RYR3: variants seen among roughly 807,000 people sequenced by gnomAD.
RYR3 encodes brain ryanodine receptor-calcium release channel.
A neutral mutation model predicts 584.3 loss-of-function variants in RYR3; 207 were observed. The ratio of observed to expected loss-of-function variants is 0.35; its 90% CI spans 0.32 to 0.40. The LOEUF is 0.40. Among genes scored for constraint, RYR3 ranks in the 10% least tolerant of loss-of-function variants. The pLI, the probability that RYR3 is intolerant of heterozygous loss-of-function variation, is 1.00. For synonymous variants in RYR3, 2,416 were observed against 2,248.5 expected, an observed-to-expected ratio of 1.07 and a Z score of -2.11; for missense variants, 5,616 against 6,089.2, an observed-to-expected ratio of 0.92 and a Z score of 2.59.
chr15:33,747,263 A>C, intron 53 of RYR3, among the ~76,000 whole-genome samples: 1 of 152,162 alleles, frequency 6.6e-6, no homozygotes, highest in East Asian at 1.9e-4. Flanking sequence ...GCAATCTGTA[A>C]GATTCTTAGT....
At chr15:33,547,620 A>G (rs2056346101) in intron 8 of RYR3, among the ~76,000 whole-genome samples, 1 of 152,248 alleles carries the variant, frequency 6.6e-6, no homozygotes, top group African/African-American at 2.4e-5. Flanking sequence ...GCAACAGTAC[A>G]GTAATAAAAT....
intron 1 of RYR3, among the ~76,000 whole-genome samples, chr15:33,361,644 C>T (rs777878440): frequency 6.6e-6 from 1 of 152,178 alleles, no homozygotes; most frequent in East Asian, 1.9e-4. Flanking sequence ...GGACTTCCTT[C>T]GCTGTGACTT....
At chr15:33,820,621 TG>T in intron 77 of RYR3, 134 bp from the exon 78 acceptor site, 1 of 687,910 alleles carries the variant, frequency 1.5e-6, no homozygotes, top group Non-Finnish European at 2.4e-6. Context: ...AAAATGTTCC[TG>T]GCTTTACACA....
chr15:33,356,615 TGATTA>T (rs1277641600), intron 1 of RYR3, among the ~76,000 whole-genome samples: 2 of 152,248 alleles, frequency 1.3e-5, no homozygotes, highest in Non-Finnish European at 2.9e-5. Flanking sequence ...AAAATGAGAA[TGATTA>T]TAGACACATA....
At chr15:33,636,343 C>A in intron 26 of RYR3, 33 bp from the exon 27 acceptor site, 1 of 1,600,880 alleles carries the variant, frequency 6.2e-7, no homozygotes, top group Non-Finnish European at 8.6e-7. Context: ...CTAGAGACTC[C>A]ATTTCTCTAA....
chr15:33,620,530 T>G lies in RYR3; in HGVS notation c.2358-3277T>G, dbSNP rs2060675003. On this transcript the variant is annotated intron_variant, in intron 19 of 103. Coordinates refer to ENST00000634891, the MANE Select transcript of RYR3 (RefSeq NM_001036.6). ...AATTATGGATTCATATATCTAACTG[T>G]GGGACCTCAACCAAAACTCTGAGAC... Among the ~76,000 whole-genome samples the G allele has an allele frequency of 2.0e-5, 3 of 152,216 alleles. No individual in the cohort carries two copies. In the South Asian group the frequency reaches 6.2e-4, roughly 32 times the overall value.
At chr15:33,635,121 T>A (rs2061439181) in intron 25 of RYR3, among the ~76,000 whole-genome samples, 2 of 152,218 alleles carry the variant, frequency 1.3e-5, no homozygotes, top group South Asian at 4.1e-4. Flanking sequence ...TTGTTCAGAT[T>A]AAAATCTGAA....
At chr15:33,753,543 C>A (rs1021362551) in intron 57 of RYR3, among the ~76,000 whole-genome samples, 2 of 152,016 alleles carry the variant, frequency 1.3e-5, no homozygotes, top group African/African-American at 4.8e-5. Flanking sequence ...AATGAAAAGC[C>A]GGTGTTTTTA....
Position 33,584,357 on chromosome 15 carries a change from C to A in RYR3, c.1574-38C>A, listed in dbSNP as rs117539262. On this transcript the variant is annotated intron_variant, in intron 14 of 103. Transcript: ENST00000634891. Reference sequence around the variant, plus strand: ...CAAGTTCTCACGCCCATCATTATATCCTTTAACCTCTATGATCAAACATCT... The same window carrying A: ...CAAGTTCTCACGCCCATCATTATATACTTTAACCTCTATGATCAAACATCT... 6.5e-4 allele frequency: 752 copies of A among 1,159,010 alleles called. 3 individuals are homozygous for A. In the East Asian group the frequency reaches 0.017, roughly 26 times the overall value. The allele number at this position is 1,159,010 out of a possible 1,614,324, so 71.8% of individuals were successfully genotyped here.
intron 42 of RYR3, among the ~76,000 whole-genome samples, chr15:33,704,800 G>A (rs570827696): frequency 2.5e-4 from 38 of 152,132 alleles, no homozygotes; most frequent in Non-Finnish European, 4.0e-4. Flanking sequence ...TGTGATTAAC[G>A]CAGGCCAGCA....
chr15:33,764,876 C>G (rs2072872261), intron 60 of RYR3, among the ~76,000 whole-genome samples: 2 of 151,862 alleles, frequency 1.3e-5, no homozygotes, highest in African/African-American at 4.8e-5. Flanking sequence ...ACTAAAAATG[C>G]AAAAATTAGC....
intron 2 of RYR3, among the ~76,000 whole-genome samples, chr15:33,478,336 C>T (rs1437738191): frequency 6.6e-6 from 1 of 152,198 alleles, no homozygotes; most frequent in Admixed American, 6.5e-5. Context: ...GGGTCCACGT[C>T]AGGCAGGTGT....
intron 100 of RYR3, 135 bp downstream of exon 100, chr15:33,859,866 G>A (rs1173421810): frequency 2.1e-6 from 2 of 965,888 alleles, no homozygotes; most frequent in East Asian, 2.6e-5. Context: ...AACTAATTTA[G>A]CATCTACTAT....
chr15:33,485,309 A>G lies in RYR3; in HGVS notation c.171+11771A>G, dbSNP rs1329592512. Among the ~76,000 whole-genome samples, 10 of 152,198 alleles carry G rather than the reference A, an allele frequency of 6.6e-5. No homozygotes were observed. In the East Asian group the frequency reaches 1.7e-3, roughly 26 times the overall value. On this transcript the variant is annotated intron_variant, in intron 2 of 103. Transcript: ENST00000634891. ...ATAAGAAGAAAGTAAGAAAATAAAG[A>G]CAACCAATGAGGCATCTCTGAAAGA...
At chr15:33,787,389 A>G (rs2074796618) in intron 66 of RYR3, among the ~76,000 whole-genome samples, 1 of 152,184 alleles carries the variant, frequency 6.6e-6, no homozygotes, top group Non-Finnish European at 1.5e-5. Flanking sequence ...TTTGAAGAAA[A>G]TTGCTGGAAT....
intron 5 of RYR3, 57 bp from the exon 6 acceptor site, chr15:33,539,293 A>C (rs908947113): frequency 5.9e-6 from 7 of 1,179,064 alleles, no homozygotes; most frequent in Non-Finnish European, 8.7e-6. Context: ...ACAAGGAGCA[A>C]AATTAGGGAC....
intron 62 of RYR3, among the ~76,000 whole-genome samples, chr15:33,771,126 G>C (rs987467652): frequency 1.3e-5 from 2 of 152,154 alleles, no homozygotes; most frequent in Non-Finnish European, 2.9e-5. Flanking sequence ...ATCCAACCTA[G>C]GACGTTTCCC....
intron 1 of RYR3, among the ~76,000 whole-genome samples, chr15:33,396,240 C>T (rs988979002): frequency 1.3e-5 from 2 of 152,142 alleles, no homozygotes; most frequent in Admixed American, 6.5e-5. Flanking sequence ...CTGCACAGGC[C>T]TTCTTGACAA....
chr15:33,751,681 GC>G (rs1464208834), intron 57 of RYR3, among the ~76,000 whole-genome samples: 1 of 151,632 alleles, frequency 6.6e-6, no homozygotes, highest in African/African-American at 2.4e-5. Flanking sequence ...TCTGTAGGTT[GC>G]CTGTTCACTC....
Sources: allele counts gnomAD v4.1 joint callset (sites outside exome capture counted in the v4.1 genomes callset), GRCh38; gene constraint gnomAD v4.1.1; transcripts MANE v1.5; gene names NCBI Gene and HGNC (gene_info 2026-07-23, HGNC 2026-07-21).